The following MYH9 variants were observed in gnomAD, a reference collection of about 807,000 sequenced individuals.
The protein encoded by MYH9 is myosin-9.
In MYH9, 29 loss-of-function variants were observed where a neutral mutation model predicts 241.9. The ratio of observed to expected loss-of-function variants is 0.12; its 90% confidence interval spans 0.09 to 0.16. MYH9 has a LOEUF of 0.16. MYH9 is among the 10% of genes least tolerant of loss of function. The pLI is 1.00. For missense variants in MYH9, 1,803 were observed against 2,595.5 expected, an observed-to-expected ratio of 0.69 and a Z score of 6.63; for synonymous variants, 1,047 against 1,062.6, an observed-to-expected ratio of 0.99 and a Z score of 0.29.
intron 1 of MYH9, among the ~76,000 whole-genome samples, chr22:36,386,578 G>C (rs1395258703): frequency 3.3e-5 from 5 of 152,206 alleles, no homozygotes; most frequent in Non-Finnish European, 7.3e-5. Context: ...ACCCAGAAAA[G>C]GGCGCAGTGA....
In MYH9 at chr22:36,348,847, C is replaced by A. The variant is rs1388998218; in HGVS notation, c.333+57G>T. 8.7e-6 allele frequency: 8 copies of A among 924,624 alleles called. No individual in the cohort carries two copies. The East Asian group carries it at 3.2e-4, about 37-fold the overall frequency. 57.3% of individuals were successfully genotyped at this position (924,624 alleles called of 1,614,324 possible). On this transcript the variant is annotated intron_variant, in intron 2 of 40. Transcript: ENST00000216181. ...GAGGGTGATGGGAAGACCCGCCCCC[C>A]CCCCCCACCTCGGAGCCCTCAGACC...
At chr22:36,322,071 G>A in intron 6 of MYH9, 2 of 591,864 alleles carry the variant, frequency 3.4e-6, no homozygotes, top group Non-Finnish European at 6.0e-6. Context: ...AGGTTCCTCC[G>A]CAGAGGGGGA....
At position 36,316,662 on chromosome 22, in the gene MYH9, A is replaced by C; in HGVS notation, c.1235T>G (p.Phe412Cys). 2 of 1,613,846 alleles carry C rather than the reference A, an allele frequency of 1.2e-6. No individual in the cohort carries two copies. Among genetic ancestry groups the C allele is most frequent in the Non-Finnish European group, 1.7e-6 (2 of 1,180,030 alleles). Reference protein sequence around the residue: ...QKAQTKEQADFAIEALAKATY... With the variant: ...QKAQTKEQADCAIEALAKATY... ...CGCCTTGGCCAAGGCCTCGATGGCA[A>C]AGTCAGCCTGCGGGGCACACCCGGG... is the stretch of plus-strand genomic sequence containing the variant. The change falls in exon 12 of 41, where the codon TTT becomes TGT. Residue 412 changes from phenylalanine (F) to cysteine (C), a missense_variant. Physicochemically the swap from Phe to Cys is radical, Grantham distance 205. Around this residue, in one of 11 missense-constraint regions of MYH9, gnomAD observed 222 missense variants for 359.9 expected, o/e 0.62. Coordinates refer to ENST00000216181, the MANE Select transcript of MYH9 (RefSeq NM_002473.6).
chr22:36,371,403 A>C (rs2146416747), intron 1 of MYH9, among the ~76,000 whole-genome samples: 1 of 152,296 alleles, frequency 6.6e-6, no homozygotes, highest in African/African-American at 2.4e-5. Context: ...CCAAGGAGAG[A>C]GGGCTCAAAG....
Position 36,282,150 on chromosome 22 carries a change from T to C in MYH9, c.*518A>G, listed in dbSNP as rs1487473463. On this transcript the variant is annotated 3_prime_UTR_variant, in exon 41 of 41. Transcript: ENST00000216181. ...GCTCCTTCTGGACCGCCCAGAGCCA[T>C]GGGAGTGGGAGGCCCAAGGGGCAGA... is the stretch of plus-strand genomic sequence containing the variant. 2 of 285,040 alleles carry C rather than the reference T, an allele frequency of 7.0e-6. No individual in the cohort carries two copies. The highest frequency in any genetic ancestry group is 1.3e-5 in the Non-Finnish European group (2 of 148,296). The allele number at this position is 285,040 out of a possible 1,614,324, so 17.7% of individuals were successfully genotyped here. A position where few individuals can be genotyped will look rare whatever the true frequency, so the allele number is the denominator to read the frequency against.
Position 36,288,587 on chromosome 22 carries a change from G to A in MYH9, c.4770+140C>T. On this transcript the variant is annotated intron_variant, in intron 33 of 40. Coordinates refer to ENST00000216181, the MANE Select transcript of MYH9 (RefSeq NM_002473.6). This position sits in a 1 kb window ranked among gnomAD's most constrained non-coding sequence, Gnocchi z 4.8. The stretch of plus-strand genomic sequence containing the variant: ...AAGTGAGTCACTGAACCCCGAGACA[G>A]GAGGCTAGAAAGAAGGAATATGGGA... 3 of 1,317,224 alleles carry A rather than the reference G, an allele frequency of 2.3e-6. No individual in the cohort carries two copies. The highest frequency in any genetic ancestry group is 1.4e-5 in the African/African-American group (1 of 69,190). 81.6% of individuals were successfully genotyped at this position (1,317,224 alleles called of 1,614,324 possible).
rs56983008 is a variant in MYH9, at chr22:36,303,784, C to CA, written c.2390+210dup. ...TGGGCGACAGAGTGAGACTCCGTCT[C>CA]AAAAAAAAAAAAAAAAAAAGAAAAA... On this transcript the variant is annotated intron_variant, in intron 19 of 40. Coordinates refer to ENST00000216181, the MANE Select transcript of MYH9 (RefSeq NM_002473.6). Among the ~76,000 whole-genome samples, 2,721 of 46,602 alleles carry CA rather than the reference C, an allele frequency of 0.058. 61 individuals are homozygous for CA. The highest frequency in any genetic ancestry group is 0.067 in the Non-Finnish European group (1,449 of 21,666). The allele number at this position is 46,602 out of a possible 152,430, so 30.6% of individuals were successfully genotyped here.
intron 19 of MYH9, 127 bp downstream of exon 19, chr22:36,303,868 G>A: frequency 9.8e-7 from 1 of 1,015,586 alleles, no homozygotes; most frequent in Non-Finnish European, 1.5e-6. Context: ...GGGGTAGGAA[G>A]AGCCACCTGG....
Position 36,288,286 on chromosome 22 carries a change from C to T in MYH9, c.4898G>A (p.Arg1633Gln), listed in dbSNP as rs752028844. 53 of 1,613,988 alleles carry T rather than the reference C, an allele frequency of 3.3e-5. No homozygotes were observed. Among genetic ancestry groups the T allele is most frequent in the East Asian group, 6.7e-5 (3 of 44,886 alleles). ...EAHIDSANKNRDEAIKQLRKL... is the reference protein window; with the variant it reads ...EAHIDSANKNQDEAIKQLRKL... ...CCGCAGCTGTTTGATGGCTTCGTCC[C>T]GGTTCTTGTTGGCCGAGTCGATGTG... is the stretch of plus-strand genomic sequence containing the variant. The change falls in exon 34 of 41, where the codon CGG (arginine) becomes CAG (glutamine). Residue 1633 changes from arginine (R) to glutamine (Q), a missense_variant. By Grantham distance (43) the Arg-to-Gln change is conservative (BLOSUM62 1). Coordinates refer to ENST00000216181, the MANE Select transcript of MYH9 (RefSeq NM_002473.6). The surrounding 1 kb of genome is among the most constrained non-coding windows in gnomAD (Gnocchi z 4.8).
rs745709743 is a variant in MYH9, at chr22:36,295,916, C to T, written c.3273-199G>A. ...CAACACCCCTCTGAGAAGCAGAAAA[C>T]CTCATAGAGGAATCGTTTCAATTTC... On this transcript the variant is annotated intron_variant, in intron 25 of 40. Coordinates refer to ENST00000216181, the MANE Select transcript of MYH9 (RefSeq NM_002473.6). The surrounding 1 kb of genome is among the most constrained non-coding windows in gnomAD (Gnocchi z 4.1). 5.3e-5 allele frequency among the ~76,000 whole-genome samples: 8 copies of T among 152,172 alleles called. No individual in the cohort carries two copies. Among genetic ancestry groups the T allele is most frequent in the Non-Finnish European group, 1.0e-4 (7 of 68,032 alleles).
At chr22:36,387,355 C>T (rs988090780) in intron 1 of MYH9, among the ~76,000 whole-genome samples, 6 of 152,260 alleles carry the variant, frequency 3.9e-5, no homozygotes, top group African/African-American at 7.2e-5. Flanking sequence ...GAAACTTCCA[C>T]GGGAGCGGCT....
At position 36,306,796 on chromosome 22, in the gene MYH9, G is replaced by A. The variant is rs1310604733; in HGVS notation, c.1844-189C>T. Among the ~76,000 whole-genome samples, 1 of 152,226 alleles carries A rather than the reference G, an allele frequency of 6.6e-6. No individual in the cohort carries two copies. Among genetic ancestry groups the A allele is most frequent in the Non-Finnish European group, 1.5e-5 (1 of 68,042 alleles). ...TCCCCAAACACAGCGGGAAGCCAAG[G>A]GGGATGCAAAGGCACTGGGCTTGTC... On this transcript the variant is annotated intron_variant, in intron 15 of 40. Transcript: ENST00000216181. This position sits in a 1 kb window ranked among gnomAD's most constrained non-coding sequence, Gnocchi z 4.1.
chr22:36,347,566 T>G (rs1194414005), intron 2 of MYH9, among the ~76,000 whole-genome samples: 1 of 151,614 alleles, frequency 6.6e-6, no homozygotes, highest in Non-Finnish European at 1.5e-5. Flanking sequence ...AGACCCTGTC[T>G]CTAATAAAAA....
At chr22:36,387,480 C>A (rs1041989939) in intron 1 of MYH9, among the ~76,000 whole-genome samples, 16 of 151,934 alleles carry the variant, frequency 1.1e-4, no homozygotes, top group African/African-American at 3.9e-4. Flanking sequence ...CGTGCCCCAG[C>A]GGCTGGGGGA....
chr22:36,372,524 A>G (rs1318603527), intron 1 of MYH9, among the ~76,000 whole-genome samples: 1 of 151,918 alleles, frequency 6.6e-6, no homozygotes, highest in Non-Finnish European at 1.5e-5. Context: ...CAGGTAATAA[A>G]AAAAAAAAGT....
chr22:36,307,402 G>GATCAGTTTA (rs1235806005), intron 15 of MYH9, among the ~76,000 whole-genome samples: 20 of 152,322 alleles, frequency 1.3e-4, no homozygotes, highest in African/African-American at 4.8e-4. Flanking sequence ...AGCGATTTGA[G>GATCAGTTTA]ATCAGTTTAA....
chr22:36,286,437 C>T (rs1603482743), intron 35 of MYH9, among the ~76,000 whole-genome samples: 3 of 152,326 alleles, frequency 2.0e-5, no homozygotes, highest in African/African-American at 4.8e-5. Flanking sequence ...ACGCTCAGAC[C>T]CCTTCTCACC....
rs754075157 is a variant in MYH9 at position 36,302,646 on chromosome 22, G to A, written c.2421C>T (p.Thr807=). ...KAFAKRQQQL[T]AMKVLQRNCA... Reference sequence around the variant, plus strand: ...AGTTCCGCTGGAGGACCTTCATGGCGGTAAGCTGCTGCTGCCGCTTGGCAA... The same window carrying A: ...AGTTCCGCTGGAGGACCTTCATGGCAGTAAGCTGCTGCTGCCGCTTGGCAA... The change falls in exon 20 of 41, where the codon ACC becomes ACT. Residue 807 remains threonine, a synonymous_variant. Transcript: ENST00000216181. 3.4e-5 allele frequency: 55 copies of A among 1,613,316 alleles called. No individual in the cohort carries two copies. The East Asian group carries it at 4.7e-4, about 14-fold the overall frequency.
intron 4 of MYH9, 23 bp from the exon 5 acceptor site, chr22:36,326,684 C>T (rs2017340993): frequency 1.2e-6 from 2 of 1,607,186 alleles, no homozygotes; most frequent in African/African-American, 1.3e-5. Flanking sequence ...GCAAGGAAGT[C>T]CCGGGCTTAG....
Sources: gnomAD v4.1 joint callset for allele counts (sites outside exome capture counted in the v4.1 genomes callset) on GRCh38, gnomAD v4.1.1 for gene constraint, gnomAD v4.1.1 regional missense constraint, Gnocchi (gnomAD v3.1) non-coding constraint, MANE v1.5 for transcripts, NCBI Gene and HGNC (gene_info 2026-07-23, HGNC 2026-07-21) for gene names.